Variants in CEP112 observed in about 807,000 individuals in gnomAD.
CEP112 encodes centrosomal protein of 112 kDa.
A neutral mutation model predicts 153.0 loss-of-function variants in CEP112; 127 were observed. The ratio of observed to expected loss-of-function variants is 0.83; its 90% CI spans 0.72 to 0.96. The LOEUF (loss-of-function observed/expected upper bound fraction) is 0.96. Ranked by LOEUF, CEP112 falls within the 40% of genes least tolerant of loss-of-function variation. The pLI, the probability that CEP112 is intolerant of heterozygous loss-of-function variation, is 0.00. For synonymous variants in CEP112, 358 were observed against 374.4 expected (o/e 0.96, Z 0.51); for missense variants, 1,089 against 1,101.2 (o/e 0.99, Z 0.16).
intron 6 of CEP112, among the ~76,000 whole-genome samples, chr17:66,114,962 T>C (rs1196186796): frequency 6.6e-6 from 1 of 152,036 alleles, no homozygotes; most frequent in Admixed American, 6.6e-5. Flanking sequence ...CCCAACACTT[T>C]AGGAGGCCGA....
At chr17:65,951,647 A>G (rs1406714168) in intron 18 of CEP112, among the ~76,000 whole-genome samples, 1 of 151,498 alleles carries the variant, frequency 6.6e-6, no homozygotes, top group Non-Finnish European at 1.5e-5. Context: ...AAGTTTGTCA[A>G]TTTTGTTGAT....
At position 65,670,117 on chromosome 17, in the gene CEP112, T is replaced by G. The variant is rs144973585; in HGVS notation, c.2697+19012A>C. The stretch of plus-strand genomic sequence containing the variant: ...GTGCCTTCTCTTTTTAAAAATAACC[T>G]GTTTGTCCCTTCAGTGGGGCATATG... On this transcript the variant is annotated intron_variant, in intron 24 of 26. Transcript: ENST00000535342. Among the ~76,000 whole-genome samples, 1,232 of 151,952 alleles carry G rather than the reference T, an allele frequency of 8.1e-3. 9 individuals are homozygous for G. The highest frequency in any genetic ancestry group is 9.7e-3 in the Non-Finnish European group (657 of 67,950).
intron 21 of CEP112, among the ~76,000 whole-genome samples, chr17:65,788,936 T>C (rs996326969): frequency 1.4e-4 from 21 of 152,206 alleles, no homozygotes; most frequent in Admixed American, 1.1e-3. Context: ...TATCGATCTA[T>C]AGCTGGTTTT....
At chr17:65,707,340 A>G (rs2048969309) in intron 23 of CEP112, among the ~76,000 whole-genome samples, 1 of 151,774 alleles carries the variant, frequency 6.6e-6, no homozygotes, top group South Asian at 2.1e-4. Context: ...CTCTAGTACT[A>G]CCTCCTTGGT....
chr17:66,133,364 C>A (rs2070288054), intron 4 of CEP112, among the ~76,000 whole-genome samples: 1 of 151,992 alleles, frequency 6.6e-6, no homozygotes, highest in Admixed American at 6.6e-5. Flanking sequence ...CAACATGAAG[C>A]CTTAAAATAT....
chr17:65,845,669 T>G (rs1430977206), intron 21 of CEP112, among the ~76,000 whole-genome samples: 1 of 152,206 alleles, frequency 6.6e-6, no homozygotes, highest in Non-Finnish European at 1.5e-5. Flanking sequence ...GATACCAAAG[T>G]TTAATCAAAC....
At chr17:65,675,412 G>A (rs1212472869) in intron 24 of CEP112, among the ~76,000 whole-genome samples, 1 of 151,968 alleles carries the variant, frequency 6.6e-6, no homozygotes, top group Non-Finnish European at 1.5e-5. Flanking sequence ...CACCATATTG[G>A]CCAGGCTGGT....
At chr17:65,829,686 A>T (rs1233068313) in intron 21 of CEP112, among the ~76,000 whole-genome samples, 1 of 152,244 alleles carries the variant, frequency 6.6e-6, no homozygotes, top group Non-Finnish European at 1.5e-5. Context: ...TAAATTTGGT[A>T]TTACTGTCAA....
intron 19 of CEP112, chr17:65,913,912 G>A: frequency 3.1e-6 from 3 of 972,020 alleles, no homozygotes; most frequent in East Asian, 1.1e-4. Flanking sequence ...TGTAGGTGAT[G>A]AGTGACAATT....
At chr17:65,649,078 ACACACACACACAC>A (rs752245228) in intron 24 of CEP112, among the ~76,000 whole-genome samples, 57,821 of 144,044 alleles carry the variant, frequency 0.4, 11,906 homozygotes, top group East Asian at 0.57. Flanking sequence ...AAACAAACAC[ACACACACACACAC>A]ACACACACAC....
At chr17:65,924,905 T>C (rs1280772551) in intron 19 of CEP112, among the ~76,000 whole-genome samples, 1 of 152,170 alleles carries the variant, frequency 6.6e-6, no homozygotes, top group Non-Finnish European at 1.5e-5. Context: ...TACGGGCAGC[T>C]GCTCAAATCC....
chr17:65,829,269 C>T (rs900623441), intron 21 of CEP112, among the ~76,000 whole-genome samples: 2 of 152,172 alleles, frequency 1.3e-5, no homozygotes, highest in Admixed American at 1.3e-4. Context: ...AGTTAAATTA[C>T]TCAACCACTT....
intron 1 of CEP112, among the ~76,000 whole-genome samples, chr17:66,187,444 G>A (rs575987111): frequency 3.3e-5 from 5 of 152,186 alleles, no homozygotes; most frequent in African/African-American, 1.2e-4. Context: ...CAAATCCAAA[G>A]GGCTGTCTTC....
chr17:66,177,580 C>T (rs954174955), intron 2 of CEP112, among the ~76,000 whole-genome samples: 1 of 152,112 alleles, frequency 6.6e-6, no homozygotes, highest in Admixed American at 6.5e-5. Flanking sequence ...GTGTTACAAA[C>T]AATCCAATTA....
chr17:66,186,021 T>G (rs1267228692), intron 1 of CEP112, among the ~76,000 whole-genome samples: 1 of 151,564 alleles, frequency 6.6e-6, no homozygotes, highest in East Asian at 1.9e-4. Context: ...ATAATCTCTC[T>G]CATTCTCTCT....
intron 18 of CEP112, among the ~76,000 whole-genome samples, chr17:65,945,710 G>A (rs529891253): frequency 5.9e-5 from 9 of 151,996 alleles, no homozygotes; most frequent in Admixed American, 1.3e-4. Context: ...GTAATGGTGC[G>A]ATCTCGGCTC....
intron 16 of CEP112, among the ~76,000 whole-genome samples, chr17:66,013,403 T>C (rs1184091407): frequency 4.6e-5 from 7 of 152,184 alleles, no homozygotes; most frequent in Non-Finnish European, 1.0e-4. Flanking sequence ...TGTTTTGTTT[T>C]GTTTTTTGCT....
At chr17:65,974,513 T>C (rs963472485) in intron 17 of CEP112, among the ~76,000 whole-genome samples, 2 of 152,338 alleles carry the variant, frequency 1.3e-5, no homozygotes, top group African/African-American at 4.8e-5. Context: ...AAAGTTACCC[T>C]GAATCTATAT....
intron 12 of CEP112, among the ~76,000 whole-genome samples, chr17:66,043,932 G>C (rs1568423796): frequency 1.3e-5 from 2 of 152,114 alleles, no homozygotes. Flanking sequence ...GCCAGGCCTT[G>C]AACTCTACCT....
Sources: allele counts gnomAD v4.1 joint callset (sites outside exome capture counted in the v4.1 genomes callset), GRCh38; gene constraint gnomAD v4.1.1; transcripts MANE v1.5; gene names NCBI Gene and HGNC (gene_info 2026-07-23, HGNC 2026-07-21).